DGLUCY: variants seen among roughly 807,000 people sequenced by gnomAD.
DGLUCY encodes D-glutamate cyclase.
Under a neutral mutation model 58.5 loss-of-function variants are expected in DGLUCY, and 58 were observed. The ratio of observed to expected loss-of-function variants is 0.99; its 90% CI spans 0.80 to 1.23. The LOEUF (loss-of-function observed/expected upper bound fraction) is 1.23, where lower values mean the gene tolerates loss of function less well. Among genes scored for constraint, DGLUCY ranks in the 50% most tolerant of loss-of-function variants. DGLUCY has a pLI of 0.00. For synonymous variants in DGLUCY, 325 were observed against 314.1 expected (o/e 1.03, Z -0.37); for missense variants, 779 against 784.7 (o/e 0.99, Z 0.09).
At chr14:91,165,958 A>G (rs1253933568) in intron 3 of DGLUCY, among the ~76,000 whole-genome samples, 1 of 152,260 alleles carries the variant, frequency 6.6e-6, no homozygotes, top group Non-Finnish European at 1.5e-5. Flanking sequence ...TCCATTAGCA[A>G]TAGGATTGGG....
chr14:91,212,755 C>T (rs1346706712), intron 12 of DGLUCY, among the ~76,000 whole-genome samples: 1 of 151,600 alleles, frequency 6.6e-6, no homozygotes, highest in Non-Finnish European at 1.5e-5. Context: ...GTAATCCCAG[C>T]ACTTTGGGAA....
At chr14:91,060,395 T>A (rs2043613967) in exon 1 of DGLUCY, 2 of 1,508,516 alleles carry the variant, frequency 1.3e-6, no homozygotes, top group East Asian at 5.4e-5. Context: ...TCCGCGCTGG[T>A]CCCCGCGGCG....
chr14:91,129,749 C>T (rs372816929), intron 1 of DGLUCY, among the ~76,000 whole-genome samples: 19 of 152,014 alleles, frequency 1.2e-4, no homozygotes, highest in Admixed American at 8.5e-4. Context: ...CGGGTTCAAG[C>T]GATTCTCCTG....
chr14:91,202,505 G>C (rs2050634785), intron 11 of DGLUCY, among the ~76,000 whole-genome samples: 1 of 152,154 alleles, frequency 6.6e-6, no homozygotes, highest in Non-Finnish European at 1.5e-5. Flanking sequence ...AATCGCCCTG[G>C]CTTTTCCCAG....
intron 1 of DGLUCY, among the ~76,000 whole-genome samples, chr14:91,154,747 C>T (rs1007550177): frequency 2.6e-5 from 4 of 152,174 alleles, no homozygotes; most frequent in African/African-American, 9.7e-5. Flanking sequence ...CCCTGCTGTC[C>T]GTCCCCGACC....
At chr14:91,170,788 C>G (rs1170964210) in intron 5 of DGLUCY, among the ~76,000 whole-genome samples, 1 of 152,216 alleles carries the variant, frequency 6.6e-6, no homozygotes, top group Non-Finnish European at 1.5e-5. Flanking sequence ...TCCTGGACAT[C>G]TGTTGGTAAA....
At chr14:91,204,634 G>T in intron 11 of DGLUCY, 72 bp from the exon 12 acceptor site, 1 of 1,577,838 alleles carries the variant, frequency 6.3e-7, no homozygotes, top group East Asian at 2.3e-5. Flanking sequence ...AGCACATGTA[G>T]GGCTGCCTTG....
chr14:91,212,307 G>A (rs1015257841), intron 12 of DGLUCY, among the ~76,000 whole-genome samples: 1 of 152,010 alleles, frequency 6.6e-6, no homozygotes, highest in African/African-American at 2.4e-5. Flanking sequence ...AGGAATTTGA[G>A]ACCAGCCTGG....
At chr14:91,176,243 T>A (rs1179088584) in intron 7 of DGLUCY, among the ~76,000 whole-genome samples, 187 bp downstream of exon 7, 1 of 152,224 alleles carries the variant, frequency 6.6e-6, no homozygotes, top group Non-Finnish European at 1.5e-5. Flanking sequence ...TTATTTTTTT[T>A]TGAGACAGGG....
chr14:91,155,642 A>T (rs907834273), intron 1 of DGLUCY, among the ~76,000 whole-genome samples: 4 of 151,984 alleles, frequency 2.6e-5, no homozygotes, highest in African/African-American at 7.3e-5. Context: ...AGAAAAATTT[A>T]AAAATTAGAT....
At position 91,062,561 on chromosome 14, in the gene DGLUCY, ATATATATATAT is replaced by A. The variant is rs2043735352; in HGVS notation, c.-82+1858_-82+1868del. ...AGACTCTGTCTAAAAAAAAAAAAAT[ATATATATATAT>A]ATATATATATATATATATATATATA... On this transcript the variant is annotated intron_variant, in intron 1 of 4. Coordinates refer to the DGLUCY transcript ENST00000521334. 4.8e-3 allele frequency among the ~76,000 whole-genome samples: 24 copies of A among 4,980 alleles called. 1 individual carries two copies. The highest frequency in any genetic ancestry group is 8.2e-3 in the African/African-American group (20 of 2,444). 3.3% of individuals were successfully genotyped at this position (4,980 alleles called of 152,430 possible).
At position 91,167,149 on chromosome 14, in the gene DGLUCY, AAAAAG is replaced by A. The variant is rs2048328323; in HGVS notation, c.104-72_104-68del. The A allele has an allele frequency of 5.3e-6, 8 of 1,498,232 alleles. No individual in the cohort carries two copies. In the East Asian group the frequency reaches 6.9e-5, roughly 13 times the overall value. 92.8% of individuals were successfully genotyped at this position (1,498,232 alleles called of 1,614,324 possible). A position where few individuals can be genotyped will look rare whatever the true frequency, so the allele number is the denominator to read the frequency against. On this transcript the variant is annotated intron_variant, in intron 3 of 13. Transcript: ENST00000256324. ...AGCGAAACTCCGCCTCAAAAAAAAA[AAAAAG>A]AAAGAAAATCAGTAAGTGTCTGCCA...
intron 1 of DGLUCY, among the ~76,000 whole-genome samples, chr14:91,132,093 C>T (rs1201167663): frequency 2.0e-5 from 3 of 152,036 alleles, no homozygotes; most frequent in Admixed American, 1.3e-4. Context: ...GTACCTGGCC[C>T]CAATTTTACT....
At chr14:91,080,426 A>G (rs1174903243) in intron 1 of DGLUCY, among the ~76,000 whole-genome samples, 2 of 152,154 alleles carry the variant, frequency 1.3e-5, no homozygotes, top group African/African-American at 4.8e-5. Flanking sequence ...GCTGGAGTGA[A>G]ATGGCACGAT....
chr14:91,161,260 CG>C (rs1278412061), intron 3 of DGLUCY, among the ~76,000 whole-genome samples: 1 of 152,144 alleles, frequency 6.6e-6, no homozygotes, highest in Non-Finnish European at 1.5e-5. Flanking sequence ...TTAGTAGAGA[CG>C]GGGTTTCACC....
chr14:91,201,085 A>C (rs1167387515), intron 11 of DGLUCY, among the ~76,000 whole-genome samples: 3 of 152,268 alleles, frequency 2.0e-5, no homozygotes, highest in Admixed American at 2.0e-4. Context: ...CACAAAGTAC[A>C]TTATGGCAAG....
chr14:91,102,163 A>G (rs190476756), intron 1 of DGLUCY, among the ~76,000 whole-genome samples: 29 of 152,348 alleles, frequency 1.9e-4, no homozygotes, highest in Admixed American at 5.9e-4. Context: ...GTATCAATAA[A>G]TTAAAAACCA....
intron 1 of DGLUCY, among the ~76,000 whole-genome samples, chr14:91,133,595 C>T (rs114692400): frequency 0.013 from 1,913 of 152,038 alleles, 45 homozygotes; most frequent in African/African-American, 0.043. Flanking sequence ...TACTATGTTT[C>T]CTAGGATAGT....
intron 1 of DGLUCY, among the ~76,000 whole-genome samples, chr14:91,069,726 G>C (rs1182598794): frequency 6.6e-6 from 1 of 151,700 alleles, no homozygotes; most frequent in East Asian, 1.9e-4. Context: ...CTTCCAAGTA[G>C]CTGGAACTAC....
Sources: allele counts gnomAD v4.1 joint callset (sites outside exome capture counted in the v4.1 genomes callset), GRCh38; gene constraint gnomAD v4.1.1; transcripts MANE v1.5; gene names NCBI Gene and HGNC (gene_info 2026-07-23, HGNC 2026-07-21).